Variants in NELL2 observed in about 807,000 individuals in gnomAD.
NELL2 encodes protein kinase C-binding protein NELL2.
In NELL2, 41 loss-of-function variants were observed where a neutral mutation model predicts 109.6. The ratio of observed to expected loss-of-function variants is 0.37; its 90% CI spans 0.29 to 0.49. NELL2 has a LOEUF of 0.49. NELL2 is among the 20% of genes least tolerant of loss of function. The pLI is 0.98. For synonymous variants in NELL2, 355 were observed against 344.7 expected (o/e 1.03, Z -0.33); for missense variants, 900 against 1,008.3 (o/e 0.89, Z 1.45).
At chr12:44,592,687 T>C (rs1944801562) in intron 15 of NELL2, among the ~76,000 whole-genome samples, 1 of 152,208 alleles carries the variant, frequency 6.6e-6, no homozygotes, top group African/African-American at 2.4e-5. Context: ...CTATTTATTT[T>C]GAGGGCCCCT....
chr12:44,543,459 A>G (rs1264019306), intron 15 of NELL2, among the ~76,000 whole-genome samples: 1 of 152,166 alleles, frequency 6.6e-6, no homozygotes, highest in African/African-American at 2.4e-5. Flanking sequence ...GATCCCTTAA[A>G]AATATATGTC....
chr12:44,818,413 T>C (rs12366450), intron 2 of NELL2, among the ~76,000 whole-genome samples: 2,013 of 152,286 alleles, frequency 0.013, 24 homozygotes, highest in Non-Finnish European at 0.021. Flanking sequence ...AGCAGGATGA[T>C]AGATGGGGGT....
Position 44,816,094 on chromosome 12 carries a change from T to C in NELL2, c.227A>G (p.Gln76Arg), listed in dbSNP as rs1592590068. 4 of 1,613,440 alleles carry C rather than the reference T, an allele frequency of 2.5e-6. No homozygotes were observed. In the East Asian group the frequency reaches 8.9e-5, roughly 36 times the overall value. Residue 76 changes from glutamine to arginine, a missense_variant, in exon 3 of 20, where the codon CAG (glutamine) becomes CGG (arginine). By Grantham distance (43) the Gln-to-Arg change is conservative (BLOSUM62 1). Coordinates refer to ENST00000429094, the MANE Select transcript of NELL2 (RefSeq NM_001145108.2). The stretch of plus-strand genomic sequence containing the variant: ...TTTATTTCTCAGCTTCTGAAAAAAC[T>C]GTTCAGCTGTAGCAGTGGATGCTTT... ...SIKASTATAEQFFQKLRNKHE... is the reference protein window; with the variant it reads ...SIKASTATAERFFQKLRNKHE...
chr12:44,744,640 A>T (rs559905486), intron 9 of NELL2, among the ~76,000 whole-genome samples: 3 of 152,352 alleles, frequency 2.0e-5, no homozygotes, highest in African/African-American at 4.8e-5. Context: ...TCCCACAGAA[A>T]TACAAACTAC....
intron 13 of NELL2, among the ~76,000 whole-genome samples, chr12:44,617,929 G>T (rs1311205531): frequency 6.6e-6 from 1 of 151,980 alleles, no homozygotes; most frequent in African/African-American, 2.4e-5. Flanking sequence ...AATCTTTTCT[G>T]AAATCAAATC....
At chr12:44,651,751 A>C (rs1947306289) in intron 13 of NELL2, among the ~76,000 whole-genome samples, 1 of 152,264 alleles carries the variant, frequency 6.6e-6, no homozygotes, top group African/African-American at 2.4e-5. Flanking sequence ...ACAAGCCAAA[A>C]ATGCTCCAAT....
In NELL2 at chr12:44,628,432, T is replaced by C. The variant is rs183956699; in HGVS notation, c.1445-17462A>G. 2.6e-5 allele frequency among the ~76,000 whole-genome samples: 4 copies of C among 152,286 alleles called. No individual in the cohort carries two copies. The East Asian group carries it at 7.7e-4, about 29-fold the overall frequency. ...AGCCAAAATGTGGTCTCATGCAAGC[T>C]GAGATCAAGGTGTTGAAATACATTT... is the stretch of plus-strand genomic sequence containing the variant. On this transcript the variant is annotated intron_variant, in intron 13 of 19. Transcript: ENST00000429094.
intron 1 of NELL2, among the ~76,000 whole-genome samples, chr12:44,895,318 G>T (rs1032988265): frequency 6.6e-6 from 1 of 152,094 alleles, no homozygotes; most frequent in African/African-American, 2.4e-5. Flanking sequence ...TAATTAAAAG[G>T]AACAAAACGC....
intron 2 of NELL2, among the ~76,000 whole-genome samples, chr12:44,856,598 A>G (rs1592661964): frequency 6.6e-6 from 1 of 152,164 alleles, no homozygotes; most frequent in Non-Finnish European, 1.5e-5. Context: ...GGCACGGTGG[A>G]CAGCCAGTGC....
chr12:44,816,465 C>T (rs1245157683), intron 2 of NELL2, among the ~76,000 whole-genome samples: 1 of 152,128 alleles, frequency 6.6e-6, no homozygotes, highest in African/African-American at 2.4e-5. Context: ...CTAGATAACA[C>T]AGCAACATCA....
At chr12:44,866,326 C>G (rs1409702432) in intron 2 of NELL2, among the ~76,000 whole-genome samples, 1 of 151,970 alleles carries the variant, frequency 6.6e-6, no homozygotes, top group Non-Finnish European at 1.5e-5. Context: ...TTTGCAAATA[C>G]ATAAAAATTA....
chr12:44,584,622 T>G (rs1944431975), intron 15 of NELL2, among the ~76,000 whole-genome samples: 1 of 152,236 alleles, frequency 6.6e-6, no homozygotes, highest in Admixed American at 6.5e-5. Context: ...CCCAAATATC[T>G]CATTCTTAGA....
At chr12:44,802,923 T>C (rs1942881985) in intron 3 of NELL2, among the ~76,000 whole-genome samples, 3 of 151,944 alleles carry the variant, frequency 2.0e-5, no homozygotes, top group Non-Finnish European at 2.9e-5. Flanking sequence ...GATATTGGAA[T>C]AAAATTCGAA....
chr12:44,870,313 C>A (rs1312423618), intron 2 of NELL2, among the ~76,000 whole-genome samples: 4 of 152,136 alleles, frequency 2.6e-5, no homozygotes, highest in Non-Finnish European at 5.9e-5. Flanking sequence ...GCAATCTAGG[C>A]TTTTTCTATC....
intron 9 of NELL2, among the ~76,000 whole-genome samples, chr12:44,745,438 A>G (rs1940281784): frequency 6.6e-6 from 1 of 152,176 alleles, no homozygotes; most frequent in Non-Finnish European, 1.5e-5. Context: ...ATAGTGTTGG[A>G]GGTTCTGGCC....
chr12:44,808,964 A>G (rs576491617), intron 3 of NELL2, among the ~76,000 whole-genome samples: 1 of 152,182 alleles, frequency 6.6e-6, no homozygotes, highest in South Asian at 2.1e-4. Flanking sequence ...TATTGCCACA[A>G]ATTATCTCCA....
At chr12:44,614,848 T>C (rs17094886) in intron 13 of NELL2, among the ~76,000 whole-genome samples, 12,543 of 152,016 alleles carry the variant, frequency 0.083, 592 homozygotes, top group Non-Finnish European at 0.1. Context: ...AGATGTACAA[T>C]AGAACATAAT....
intron 13 of NELL2, among the ~76,000 whole-genome samples, chr12:44,643,397 A>G (rs1946932489): frequency 6.6e-6 from 1 of 152,218 alleles, no homozygotes; most frequent in Non-Finnish European, 1.5e-5. Context: ...TTATGATAGT[A>G]TAATTCCAAT....
At chr12:44,620,029 C>T (rs1002915921) in intron 13 of NELL2, among the ~76,000 whole-genome samples, 3 of 151,880 alleles carry the variant, frequency 2.0e-5, no homozygotes, top group African/African-American at 7.3e-5. Context: ...AGGTTCTTAA[C>T]CTAGGCAACT....
Sources: allele counts gnomAD v4.1 joint callset (sites outside exome capture counted in the v4.1 genomes callset), GRCh38; gene constraint gnomAD v4.1.1; transcripts MANE v1.5; gene names NCBI Gene and HGNC (gene_info 2026-07-23, HGNC 2026-07-21).